RELN: variants seen among roughly 807,000 people sequenced by gnomAD.
RELN encodes reelin.
Under a neutral mutation model 427.6 loss-of-function variants are expected in RELN, and 108 were observed. The observed-to-expected ratio is 0.25, with a 90% confidence interval of 0.22 to 0.30. The LOEUF is 0.30. RELN is among the 10% of genes least tolerant of loss of function. RELN has a pLI of 1.00. For missense variants in RELN, 3,715 were observed against 4,302.8 expected, an observed-to-expected ratio of 0.86 and a Z score of 3.82; for synonymous variants, 1,524 against 1,513.4, an observed-to-expected ratio of 1.01 and a Z score of -0.16.
chr7:103,538,941 A>C (rs1193076188), intron 45 of RELN, 137 bp downstream of exon 45: 1 of 911,300 alleles, frequency 1.1e-6, no homozygotes, highest in African/African-American at 1.6e-5. Context: ...TTTCAAGAGT[A>C]CAGTGTGGTT....
At chr7:103,686,240 A>G (rs531775573) in intron 10 of RELN, among the ~76,000 whole-genome samples, 3 of 152,288 alleles carry the variant, frequency 2.0e-5, no homozygotes, top group East Asian at 3.9e-4. Flanking sequence ...ACATGAGCAG[A>G]GAGCCATCCA....
rs551474752 is a variant in RELN at position 103,938,235 on chromosome 7, G to A, written c.227-21050C>T. Among the ~76,000 whole-genome samples the A allele has an allele frequency of 2.9e-3, 435 of 152,106 alleles. 1 individual carries two copies. The highest frequency in any genetic ancestry group is 7.5e-3 in the Admixed American group (114 of 15,276). ...ACTCAAGAGGCTGAGGAGGAGAATC[G>A]CTTGAACCCAGGAGGTGGAGGTTGC... is the stretch of plus-strand genomic sequence containing the variant. On this transcript the variant is annotated intron_variant, in intron 1 of 64. Coordinates refer to ENST00000428762, the MANE Select transcript of RELN (RefSeq NM_005045.4).
chr7:103,790,789 C>G lies in RELN; in HGVS notation c.474-14162G>C, dbSNP rs982283402. On this transcript the variant is annotated intron_variant, in intron 3 of 64. Coordinates refer to ENST00000428762, the MANE Select transcript of RELN (RefSeq NM_005045.4). ...CCAGTCTGGCCAATATGGTGAAACC[C>G]TGTCTCTACTGAAAATACAAAAATC... Among the ~76,000 whole-genome samples, 174 of 152,188 alleles carry G rather than the reference C, an allele frequency of 1.1e-3. 2 individuals are homozygous for G. Among genetic ancestry groups the G allele is most frequent in the African/African-American group, 4.1e-3 (169 of 41,534 alleles).
chr7:103,626,261 G>C lies in RELN; in HGVS notation c.2702+3679C>G, dbSNP rs368522172. ...TGTGAGAATTTGAAATCAGGCCTAC[G>C]ACCTCAAAGCCTATGTTTCTACCAC... On this transcript the variant is annotated intron_variant, in intron 20 of 64. Transcript: ENST00000428762. This position sits in a 1 kb window ranked among gnomAD's most constrained non-coding sequence, Gnocchi z 4.4. Among the ~76,000 whole-genome samples the C allele has an allele frequency of 1.3e-5, 2 of 151,998 alleles. No individual in the cohort carries two copies. Among genetic ancestry groups the C allele is most frequent in the Admixed American group, 1.3e-4 (2 of 15,240 alleles).
intron 50 of RELN, chr7:103,513,425 TTC>T (rs1475409682): frequency 6.6e-6 from 1 of 152,198 alleles, no homozygotes; most frequent in Non-Finnish European, 1.5e-5. Flanking sequence ...GTTTAAATTA[TTC>T]TCTGATTGTA....
intron 2 of RELN, among the ~76,000 whole-genome samples, chr7:103,895,569 C>G (rs1357438352): frequency 6.6e-6 from 1 of 152,030 alleles, no homozygotes; most frequent in African/African-American, 2.4e-5. Flanking sequence ...GAATGAAAAA[C>G]TTTTAAGTGT....
intron 60 of RELN, 152 bp downstream of exon 60, chr7:103,489,590 C>T: frequency 1.1e-6 from 1 of 905,204 alleles, no homozygotes; most frequent in Non-Finnish European, 1.7e-6. Context: ...TAATTTGTCC[C>T]AAAGTTAAAG....
chr7:103,719,234 C>G (rs1416326113), intron 8 of RELN, among the ~76,000 whole-genome samples: 1 of 152,110 alleles, frequency 6.6e-6, no homozygotes, highest in Non-Finnish European at 1.5e-5. Flanking sequence ...GGCCCAGTTC[C>G]TCTGCTCTAG....
chr7:103,514,699 C>T (rs1829516026), intron 50 of RELN, among the ~76,000 whole-genome samples: 1 of 152,014 alleles, frequency 6.6e-6, no homozygotes, highest in African/African-American at 2.4e-5. Flanking sequence ...CCTGCTTCAC[C>T]AATATCATTG....
intron 1 of RELN, among the ~76,000 whole-genome samples, chr7:103,973,499 C>T (rs1268627531): frequency 6.6e-6 from 1 of 151,668 alleles, no homozygotes; most frequent in Admixed American, 6.6e-5. Flanking sequence ...AATATATTAA[C>T]ACAATGGGCA....
intron 2 of RELN, among the ~76,000 whole-genome samples, chr7:103,904,975 C>CTTTTTTTTTTTTTTTTT (rs67024941): frequency 6.5e-5 from 5 of 77,366 alleles, no homozygotes; most frequent in Admixed American, 1.9e-4. Context: ...AAGTTCTTTC[C>CTTTTTTTTTTTTTTTTT]TTTTTTTTTT....
intron 3 of RELN, among the ~76,000 whole-genome samples, chr7:103,818,747 G>C (rs1028366263): frequency 3.0e-4 from 45 of 151,852 alleles, no homozygotes; most frequent in African/African-American, 1.1e-3. Context: ...TAGAATTTGA[G>C]CCAGATGATG....
chr7:103,761,776 T>C (rs1037163830), intron 4 of RELN, among the ~76,000 whole-genome samples: 3 of 152,198 alleles, frequency 2.0e-5, no homozygotes, highest in Non-Finnish European at 2.9e-5. Context: ...TTTTAAAAAA[T>C]TGTTACTGTG....
chr7:103,490,439 G>C lies in RELN; in HGVS notation c.9605+229C>G, dbSNP rs547583617. Reference sequence around the variant, plus strand: ...TATGGTATTAAGTCAAAGGAAATCTGAGATCTCTGAATCATTTACAGACAC... The same window carrying C: ...TATGGTATTAAGTCAAAGGAAATCTCAGATCTCTGAATCATTTACAGACAC... On this transcript the variant is annotated intron_variant, in intron 59 of 64. Coordinates refer to ENST00000428762, the MANE Select transcript of RELN (RefSeq NM_005045.4). 2.6e-5 allele frequency among the ~76,000 whole-genome samples: 4 copies of C among 152,316 alleles called. No individual in the cohort carries two copies. In the South Asian group the frequency reaches 8.3e-4, roughly 32 times the overall value.
chr7:103,568,671 GAT>G (rs1300424978), intron 31 of RELN, among the ~76,000 whole-genome samples: 8 of 152,170 alleles, frequency 5.3e-5, no homozygotes, highest in African/African-American at 1.9e-4. Flanking sequence ...TTTTTAGTGT[GAT>G]ATTGGATGTC....
At chr7:103,733,052 T>G (rs980899606) in intron 6 of RELN, among the ~76,000 whole-genome samples, 17 of 152,052 alleles carry the variant, frequency 1.1e-4, no homozygotes, top group African/African-American at 4.1e-4. Context: ...GTTTTAGGTC[T>G]AACGTTTAAG....
At chr7:103,483,881 T>C (rs1479972290) in intron 61 of RELN, 31 bp from the exon 62 acceptor site, 3 of 1,594,030 alleles carry the variant, frequency 1.9e-6, no homozygotes, top group East Asian at 4.6e-5. Flanking sequence ...ATCTTTATTT[T>C]TATTTATTTA....
intron 10 of RELN, among the ~76,000 whole-genome samples, chr7:103,692,533 T>C (rs148982810): frequency 6.8e-4 from 104 of 152,220 alleles, no homozygotes; most frequent in African/African-American, 2.3e-3. Context: ...AGCTGACCAC[T>C]GTCCCCATTT....
chr7:103,533,506 T>C (rs1446274783), intron 46 of RELN, among the ~76,000 whole-genome samples: 1 of 152,204 alleles, frequency 6.6e-6, no homozygotes, highest in Non-Finnish European at 1.5e-5. Flanking sequence ...GAAGTGACTC[T>C]GGCTTGGGCT....
Sources: allele counts gnomAD v4.1 joint callset (sites outside exome capture counted in the v4.1 genomes callset), GRCh38; gene constraint gnomAD v4.1.1; non-coding constraint Gnocchi (gnomAD v3.1); transcripts MANE v1.5; gene names NCBI Gene and HGNC (gene_info 2026-07-23, HGNC 2026-07-21).